Variants in IL5RA observed in about 807,000 individuals in gnomAD.
IL5RA encodes the protein interleukin 5 receptor subunit alpha.
IL5RA carries 49 observed loss-of-function variants against 50.0 expected under a neutral mutation model. That is an observed-to-expected ratio of 0.98 (90% CI 0.78 to 1.24). The LOEUF (loss-of-function observed/expected upper bound fraction) is 1.24. Among genes scored for constraint, IL5RA ranks in the 50% most tolerant of loss-of-function variants. The probability of loss-of-function intolerance (pLI) is 0.00; values close to 1 mark genes in which losing one functional copy is unlikely to be tolerated. For synonymous variants in IL5RA, 202 were observed against 174.0 expected, an observed-to-expected ratio of 1.16 and a Z score of -1.26; for missense variants, 600 against 500.4, an observed-to-expected ratio of 1.20 and a Z score of -1.90.
chr3:3,104,434 G>A (rs956236705), intron 3 of IL5RA, among the ~76,000 whole-genome samples: 1 of 152,212 alleles, frequency 6.6e-6, no homozygotes, highest in Non-Finnish European at 1.5e-5. Flanking sequence ...GGACATTAGA[G>A]AGATACAACA....
intron 3 of IL5RA, among the ~76,000 whole-genome samples, chr3:3,104,015 T>C (rs374106437): frequency 2.6e-4 from 40 of 152,340 alleles, no homozygotes; most frequent in African/African-American, 9.1e-4. Flanking sequence ...CACTGGCAAC[T>C]TGTGGCTATT....
chr3:3,102,668 CA>C lies in IL5RA; in HGVS notation c.228+6del, dbSNP rs749464052. Reference sequence around the variant, plus strand: ...CAATAAGGATATCCATTAGAATAAACACTTACGTCATCTTCTTTTGGAGCGT... The same window carrying C: ...CAATAAGGATATCCATTAGAATAAACCTTACGTCATCTTCTTTTGGAGCGT... On this transcript the variant is annotated splice_donor_region_variant and intron_variant, in intron 4 of 11. Transcript: ENST00000446632. 2 of 1,561,916 alleles carry C rather than the reference CA, an allele frequency of 1.3e-6. No homozygotes were observed. The highest frequency in any genetic ancestry group is 2.7e-5 in the African/African-American group (2 of 72,948).
At chr3:3,102,858 A>C in intron 3 of IL5RA, 38 bp from the exon 4 acceptor site, 1 of 1,570,084 alleles carries the variant, frequency 6.4e-7, no homozygotes, top group Non-Finnish European at 8.7e-7. Flanking sequence ...CACAATGTTC[A>C]ACTGGACATA....
At chr3:3,093,261 G>A (rs1217497280) in intron 8 of IL5RA, among the ~76,000 whole-genome samples, 1 of 152,150 alleles carries the variant, frequency 6.6e-6, no homozygotes, top group Non-Finnish European at 1.5e-5. Context: ...CTTGCCACTT[G>A]ACTGAAAGAA....
chr3:3,094,380 G>A (rs1264000591), intron 8 of IL5RA, among the ~76,000 whole-genome samples: 1 of 152,192 alleles, frequency 6.6e-6, no homozygotes, highest in African/African-American at 2.4e-5. Flanking sequence ...TTTCGTGACT[G>A]ACTTATTTTG....
At position 3,102,792 on chromosome 3, in the gene IL5RA, G is replaced by T. The variant is rs1454657471; in HGVS notation, c.111C>A (p.Thr37=). The change falls in exon 4 of 12, where the codon ACC becomes ACA. Residue 37 remains threonine (T), a synonymous_variant. Coordinates refer to ENST00000446632, the MANE Select transcript of IL5RA (RefSeq NM_175726.4). ...KISLLPPVNF[T]IKVTGLAQVL... is the part of the protein sequence containing the mutation. ...CTTGAGCCAAACCAGTAACTTTAATGGTGAAATTGACAGGTGGGAGAAGTG... is the reference window on the plus strand; with the variant it reads ...CTTGAGCCAAACCAGTAACTTTAATTGTGAAATTGACAGGTGGGAGAAGTG... 9.3e-6 allele frequency: 15 copies of T among 1,609,674 alleles called. No homozygotes were observed. Among genetic ancestry groups the T allele is most frequent in the African/African-American group, 1.3e-5 (1 of 74,674 alleles).
chr3:3,089,756 G>T (rs1320667307), intron 9 of IL5RA, among the ~76,000 whole-genome samples: 2 of 151,918 alleles, frequency 1.3e-5, no homozygotes, highest in East Asian at 3.9e-4. Flanking sequence ...CCGAGTAGCT[G>T]GGACTACAGG....
chr3:3,070,575 C>CTCTTT (rs1702264231), intron 11 of IL5RA, among the ~76,000 whole-genome samples: 1 of 84,904 alleles, frequency 1.2e-5, no homozygotes, highest in East Asian at 3.3e-4. Context: ...GGATACACAT[C>CTCTTT]TTTTTTTTTT....
intron 9 of IL5RA, among the ~76,000 whole-genome samples, chr3:3,087,465 T>C (rs560250383): frequency 6.6e-6 from 1 of 152,328 alleles, no homozygotes; most frequent in South Asian, 2.1e-4. Flanking sequence ...TTAAATTAAA[T>C]AACCTTGGGC....
At chr3:3,095,783 T>C (rs1230948983) in intron 7 of IL5RA, among the ~76,000 whole-genome samples, 1 of 152,016 alleles carries the variant, frequency 6.6e-6, no homozygotes, top group African/African-American at 2.4e-5. Flanking sequence ...AGGCCCAGAA[T>C]AAACCTGACC....
chr3:3,107,521 A>G (rs1703985348), intron 2 of IL5RA, among the ~76,000 whole-genome samples: 1 of 152,186 alleles, frequency 6.6e-6, no homozygotes, highest in South Asian at 2.1e-4. Flanking sequence ...ATATATATCG[A>G]CAATATGTTC....
chr3:3,075,513 T>A (rs1381730723), intron 10 of IL5RA, among the ~76,000 whole-genome samples: 1 of 152,080 alleles, frequency 6.6e-6, no homozygotes, highest in Non-Finnish European at 1.5e-5. Context: ...GAGTTTACTT[T>A]CTTTTCATCT....
At chr3:3,076,473 CT>C (rs1702486899) in intron 10 of IL5RA, 57 bp downstream of exon 10, 1 of 1,083,950 alleles carries the variant, frequency 9.2e-7, no homozygotes, top group Non-Finnish European at 1.4e-6. Flanking sequence ...CATGGTAAGC[CT>C]GTAAAAATGC....
At chr3:3,081,300 G>C (rs371504149) in intron 9 of IL5RA, among the ~76,000 whole-genome samples, 1 of 152,062 alleles carries the variant, frequency 6.6e-6, no homozygotes, top group Non-Finnish European at 1.5e-5. Flanking sequence ...TTTCCCAGTC[G>C]ATTTCCTGAG....
intron 2 of IL5RA, 134 bp from the exon 3 acceptor site, chr3:3,105,121 A>T: frequency 1.6e-6 from 1 of 608,306 alleles, no homozygotes; most frequent in Non-Finnish European, 3.0e-6. Context: ...ATGCGCAAAA[A>T]GTACAAACAT....
chr3:3,100,819 C>A (rs6793191), intron 5 of IL5RA, among the ~76,000 whole-genome samples: 72,448 of 151,712 alleles, frequency 0.48, 17,530 homozygotes, highest in South Asian at 0.73. Flanking sequence ...CAAGCCCATG[C>A]AAATTGGCTG....
intron 9 of IL5RA, among the ~76,000 whole-genome samples, chr3:3,089,192 G>A (rs1034345504): frequency 1.3e-5 from 2 of 152,170 alleles, no homozygotes; most frequent in African/African-American, 2.4e-5. Flanking sequence ...CTCTCCCCAG[G>A]AAGGCTCATG....
intron 11 of IL5RA, among the ~76,000 whole-genome samples, chr3:3,074,370 T>G (rs1702406510): frequency 6.6e-6 from 1 of 152,212 alleles, no homozygotes; most frequent in Non-Finnish European, 1.5e-5. Flanking sequence ...CCAAAGTCAG[T>G]TAAGGCATGG....
At chr3:3,082,543 G>A (rs1014685946) in intron 9 of IL5RA, among the ~76,000 whole-genome samples, 4 of 152,198 alleles carry the variant, frequency 2.6e-5, no homozygotes, top group African/African-American at 7.2e-5. Flanking sequence ...TGGTGTCTGG[G>A]GACCTCAGTT....
Sources: allele counts gnomAD v4.1 joint callset (sites outside exome capture counted in the v4.1 genomes callset), GRCh38; gene constraint gnomAD v4.1.1; transcripts MANE v1.5; gene names NCBI Gene and HGNC (gene_info 2026-07-23, HGNC 2026-07-21).